CAPRIN2: variants seen among roughly 807,000 people sequenced by gnomAD.
The protein encoded by CAPRIN2 is caprin family member 2.
A neutral mutation model predicts 130.4 loss-of-function variants in CAPRIN2; 66 were observed. The ratio of observed to expected loss-of-function variants is 0.51; its 90% confidence interval spans 0.42 to 0.62. CAPRIN2 has a LOEUF of 0.62. Ranked by LOEUF, CAPRIN2 falls within the 20% of genes least tolerant of loss-of-function variation. The pLI is 0.00. For missense variants in CAPRIN2, 1,185 were observed against 1,246.6 expected, an observed-to-expected ratio of 0.95 and a Z score of 0.74; for synonymous variants, 471 against 444.1, an observed-to-expected ratio of 1.06 and a Z score of -0.76.
exon 8 of CAPRIN2, chr12:30,728,982 T>C (rs2061754627): frequency 1.2e-5 from 19 of 1,614,106 alleles, no homozygotes; most frequent in East Asian, 2.2e-5. Context: ...CTCTTGAACA[T>C]ACCCTGCTTT....
At chr12:30,747,319 G>C (rs1033121471) in intron 2 of CAPRIN2, among the ~76,000 whole-genome samples, 17 of 152,182 alleles carry the variant, frequency 1.1e-4, no homozygotes, top group Admixed American at 9.8e-4. Context: ...TTTCATGCCT[G>C]ATAACATAAC....
At position 30,730,262 on chromosome 12, in the gene CAPRIN2, G is replaced by A; in HGVS notation, c.1081C>T (p.Gln361Ter). 6.2e-7 allele frequency: 1 copy of A among 1,611,228 alleles called. No homozygotes were observed. Among genetic ancestry groups the A allele is most frequent in the Non-Finnish European group, 8.5e-7 (1 of 1,177,580 alleles). The change falls in exon 7 of 17, where the codon CAG (glutamine) becomes TAG (stop). Residue 361 changes from glutamine (Q) to a stop codon, truncating the protein, a stop_gained. Coordinates refer to ENST00000298892, the Ensembl canonical transcript of CAPRIN2. LOFTEE classifies it high-confidence loss of function. Reference sequence around the variant, plus strand: ...ACCTCTTGTGGTTGTATCTCTGGCTGGGCAAATTCCATTAGAGACTCTGGG... The same window carrying A: ...ACCTCTTGTGGTTGTATCTCTGGCTAGGCAAATTCCATTAGAGACTCTGGG...
At chr12:30,731,498 T>C in exon 6 of CAPRIN2, 1 of 1,612,168 alleles carries the variant, frequency 6.2e-7, no homozygotes. Flanking sequence ...CAGTAGATCC[T>C]TCAAGTGTTT....
exon 6 of CAPRIN2, chr12:30,731,477 A>G (rs769379722): frequency 3.1e-6 from 5 of 1,612,994 alleles, no homozygotes; most frequent in Non-Finnish European, 4.2e-6. Context: ...GCCTGAGTTC[A>G]GCAATTTAGA....
At chr12:30,754,025 A>G (rs1009054410) in exon 1 of CAPRIN2, 17 of 410,688 alleles carry the variant, frequency 4.1e-5, no homozygotes, top group Non-Finnish European at 6.6e-5. Flanking sequence ...ATGATCCCTC[A>G]CCACCAGCCC....
intron 3 of CAPRIN2, among the ~76,000 whole-genome samples, chr12:30,736,787 T>C (rs2065024265): frequency 6.6e-6 from 1 of 152,216 alleles, no homozygotes; most frequent in African/African-American, 2.4e-5. Flanking sequence ...TCTCTGATCC[T>C]GCTTGAGAGA....
At chr12:30,743,902 G>A (rs577100275) in intron 2 of CAPRIN2, among the ~76,000 whole-genome samples, 17 of 151,982 alleles carry the variant, frequency 1.1e-4, no homozygotes, top group African/African-American at 3.6e-4. Flanking sequence ...TATTTCTATC[G>A]GCTAAACTTC....
At chr12:30,728,499 G>C (rs187324178) in intron 8 of CAPRIN2, 149 bp downstream of exon 9, 2 of 641,548 alleles carry the variant, frequency 3.1e-6, no homozygotes, top group Admixed American at 6.4e-5. Context: ...AGGTTACAGT[G>C]AGCAGAGATA....
intron 8 of CAPRIN2, among the ~76,000 whole-genome samples, chr12:30,727,898 G>A (rs1249847369): frequency 6.6e-6 from 1 of 152,166 alleles, no homozygotes; most frequent in Non-Finnish European, 1.5e-5. Flanking sequence ...TAAACTGAGT[G>A]ACCATAAATG....
chr12:30,746,618 T>C (rs1039065158), intron 2 of CAPRIN2, among the ~76,000 whole-genome samples: 1 of 152,166 alleles, frequency 6.6e-6, no homozygotes, highest in African/African-American at 2.4e-5. Context: ...AGAAAACAAA[T>C]GCTATTGCTG....
intron 12 of CAPRIN2, chr12:30,719,099 G>C: frequency 6.2e-7 from 1 of 1,613,914 alleles, no homozygotes; most frequent in East Asian, 2.2e-5. Flanking sequence ...GCTTGAAAGG[G>C]TGCTGTGTTA....
chr12:30,730,367 A>G, intron 6 of CAPRIN2, 85 bp from the exon 8 acceptor site: 2 of 944,962 alleles, frequency 2.1e-6, no homozygotes, highest in Non-Finnish European at 3.4e-6. Flanking sequence ...TTCTAGCAAC[A>G]TATTTCAGAA....
chr12:30,714,379 T>A (rs1264618797), intron 14 of CAPRIN2, among the ~76,000 whole-genome samples: 3 of 152,200 alleles, frequency 2.0e-5, no homozygotes, highest in African/African-American at 7.2e-5. Context: ...AGGTAGGGTC[T>A]CACTATGTTG....
exon 8 of CAPRIN2, chr12:30,729,195 C>T (rs1452876679): frequency 6.2e-7 from 1 of 1,613,918 alleles, no homozygotes; most frequent in Admixed American, 1.7e-5. Flanking sequence ...CTTCTCTTGA[C>T]CATCTGGTTC....
Position 30,733,518 on chromosome 12 carries a change from A to G in CAPRIN2, c.892+111T>C, listed in dbSNP as rs2063434261. 10 of 727,414 alleles carry G rather than the reference A, an allele frequency of 1.4e-5. No homozygotes were observed. In the Admixed American group the frequency reaches 2.1e-4, roughly 15 times the overall value. 45.1% of individuals were successfully genotyped at this position (727,414 alleles called of 1,614,324 possible). Reference sequence around the variant, plus strand: ...TTCTCCCAGTGAATATAGTATTGTCAGACATGTAAGTTCTGATGGACTAAC... The same window carrying G: ...TTCTCCCAGTGAATATAGTATTGTCGGACATGTAAGTTCTGATGGACTAAC... On this transcript the variant is annotated intron_variant, in intron 5 of 16. Coordinates refer to ENST00000298892, the Ensembl canonical transcript of CAPRIN2.
intron 12 of CAPRIN2, chr12:30,719,170 A>G (rs776983937): frequency 1.9e-6 from 3 of 1,614,006 alleles, no homozygotes; most frequent in South Asian, 2.2e-5. Flanking sequence ...GCCCTTTGCC[A>G]TGGGAGGATT....
intron 12 of CAPRIN2, chr12:30,720,010 C>T (rs529656085): frequency 2.2e-4 from 34 of 152,294 alleles, no homozygotes; most frequent in African/African-American, 8.2e-4. Flanking sequence ...ATGTCCATCT[C>T]AAGGATTTAC....
At chr12:30,716,469 C>T in intron 13 of CAPRIN2, 39 bp downstream of exon 15, 3 of 1,578,110 alleles carry the variant, frequency 1.9e-6, no homozygotes, top group Non-Finnish European at 2.6e-6. Context: ...AATTGGCTGT[C>T]CCTCTAAGTC....
intron 12 of CAPRIN2, chr12:30,720,103 T>G (rs776932030): frequency 2.0e-5 from 3 of 152,164 alleles, no homozygotes; most frequent in Non-Finnish European, 2.9e-5. Context: ...TTTATTTATT[T>G]TTTTTGAGAT....
Sources: allele counts gnomAD v4.1 joint callset (sites outside exome capture counted in the v4.1 genomes callset), GRCh38; gene constraint gnomAD v4.1.1; transcripts MANE v1.5; gene names NCBI Gene and HGNC (gene_info 2026-07-23, HGNC 2026-07-21).